The following KIAA1549L variants were observed in gnomAD, a reference collection of about 807,000 sequenced individuals.
The protein encoded by KIAA1549L is KIAA1549 like.
Under a neutral mutation model 160.7 loss-of-function variants are expected in KIAA1549L, and 88 were observed. That is an observed-to-expected ratio of 0.55 (90% CI 0.46 to 0.65). The LOEUF is 0.65. Among genes scored for constraint, KIAA1549L ranks in the 30% least tolerant of loss-of-function variants. The probability of loss-of-function intolerance (pLI) is 0.00; values close to 1 mark genes in which losing one functional copy is unlikely to be tolerated. For missense variants in KIAA1549L, 2,258 were observed against 2,437.5 expected, an observed-to-expected ratio of 0.93 and a Z score of 1.55; for synonymous variants, 950 against 976.7, an observed-to-expected ratio of 0.97 and a Z score of 0.51.
rs779574025 is a variant in KIAA1549L at position 33,543,165 on chromosome 11, C to T, written c.1602C>T (p.Ser534=). The part of the protein sequence containing the change: ...PTLPAEGSDG[S]PPATRDLLLS... ...TTCCAGCAGAGGGCAGTGATGGGTC[C>T]CCTCCTGCAACTAGAGACTTGCTCC... The change falls in exon 2 of 21, where the codon TCC becomes TCT. Residue 534 remains serine (S), a synonymous_variant. Transcript: ENST00000658780. 6.2e-7 allele frequency: 1 copy of T among 1,613,886 alleles called. No individual in the cohort carries two copies. Among genetic ancestry groups the T allele is most frequent in the East Asian group, 2.2e-5 (1 of 44,884 alleles).
At chr11:33,580,676 G>T (rs1275591194) in intron 10 of KIAA1549L, among the ~76,000 whole-genome samples, 1 of 151,676 alleles carries the variant, frequency 6.6e-6, no homozygotes, top group Non-Finnish European at 1.5e-5. Context: ...TTTTTTAACA[G>T]ATATTTATTG....
intron 1 of KIAA1549L, among the ~76,000 whole-genome samples, chr11:33,490,178 G>T (rs1056370977): frequency 5.3e-5 from 8 of 152,144 alleles, no homozygotes; most frequent in Non-Finnish European, 7.4e-5. Context: ...GTCCCATTTT[G>T]CTATTAATAG....
chr11:33,549,437 T>C (rs190795104), intron 4 of KIAA1549L, among the ~76,000 whole-genome samples: 128 of 152,348 alleles, frequency 8.4e-4, no homozygotes, highest in African/African-American at 2.7e-3. Context: ...CTGAGACTTA[T>C]TCCTTGGGGT....
chr11:33,569,527 T>G (rs551395462), intron 9 of KIAA1549L, among the ~76,000 whole-genome samples: 1 of 152,290 alleles, frequency 6.6e-6, no homozygotes, highest in East Asian at 1.9e-4. Context: ...TAAGGGAAAT[T>G]GCAGCCATTA....
At chr11:33,488,860 C>G (rs938930237) in intron 1 of KIAA1549L, among the ~76,000 whole-genome samples, 1 of 152,176 alleles carries the variant, frequency 6.6e-6, no homozygotes, top group African/African-American at 2.4e-5. Context: ...ATAATTTATG[C>G]AGGGTCACCC....
intron 9 of KIAA1549L, 125 bp from the exon 10 acceptor site, chr11:33,574,577 T>C (rs2281379): frequency 0.41 from 321,433 of 777,208 alleles, 70,668 homozygotes; most frequent in African/African-American, 0.73. Flanking sequence ...GGGAGGTATG[T>C]GAAGGTTGGC....
intron 1 of KIAA1549L, among the ~76,000 whole-genome samples, chr11:33,492,904 A>G (rs971631303): frequency 1.3e-5 from 2 of 152,138 alleles, no homozygotes; most frequent in African/African-American, 4.8e-5. Context: ...CGCAGTACTA[A>G]TGTGGAGGGA....
chr11:33,588,742 AC>A (rs1849953889), intron 11 of KIAA1549L, among the ~76,000 whole-genome samples: 1 of 152,136 alleles, frequency 6.6e-6, no homozygotes, highest in Non-Finnish European at 1.5e-5. Flanking sequence ...CCCTCAGCAA[AC>A]CCTATTTCAG....
intron 1 of KIAA1549L, among the ~76,000 whole-genome samples, chr11:33,519,181 C>T (rs1853423981): frequency 6.6e-6 from 1 of 152,132 alleles, no homozygotes; most frequent in African/African-American, 2.4e-5. Flanking sequence ...AGATGTGTAT[C>T]ACTACCCTGC....
At chr11:33,578,050 C>G in intron 10 of KIAA1549L, among the ~76,000 whole-genome samples, 1 of 152,186 alleles carries the variant, frequency 6.6e-6, no homozygotes, top group East Asian at 1.9e-4. Flanking sequence ...AAGGCCACCC[C>G]AGGCCTTGAG....
chr11:33,429,269 G>T (rs1446022055), intron 1 of KIAA1549L, among the ~76,000 whole-genome samples: 1 of 152,194 alleles, frequency 6.6e-6, no homozygotes, highest in African/African-American at 2.4e-5. Flanking sequence ...ACCGTTCCCA[G>T]CCCTCATTGT....
intron 16 of KIAA1549L, among the ~76,000 whole-genome samples, chr11:33,633,140 T>A (rs962720169): frequency 5.0e-5 from 1 of 20,084 alleles, no homozygotes; most frequent in African/African-American, 2.5e-4. Flanking sequence ...CATGCCCAGC[T>A]TTTTTTTTTT....
At chr11:33,438,614 C>T (rs550460862) in intron 1 of KIAA1549L, among the ~76,000 whole-genome samples, 45 of 152,198 alleles carry the variant, frequency 3.0e-4, no homozygotes, top group Non-Finnish European at 3.8e-4. Context: ...TCCATGCCAA[C>T]GAAGAGGCAG....
intron 1 of KIAA1549L, among the ~76,000 whole-genome samples, chr11:33,444,647 G>A (rs186336550): frequency 1.6e-4 from 25 of 152,332 alleles, no homozygotes; most frequent in African/African-American, 5.3e-4. Flanking sequence ...GCTTTTAGCA[G>A]CTATTGAAAT....
At chr11:33,557,930 G>C (rs1854702562) in intron 6 of KIAA1549L, among the ~76,000 whole-genome samples, 1 of 151,790 alleles carries the variant, frequency 6.6e-6, no homozygotes. Context: ...GGGAGAGAGA[G>C]AGAGATCGAT....
intron 1 of KIAA1549L, among the ~76,000 whole-genome samples, chr11:33,394,099 G>A (rs553268531): frequency 5.3e-5 from 8 of 152,262 alleles, no homozygotes; most frequent in Admixed American, 4.6e-4. Context: ...GTGGCTGGGC[G>A]CAATGGCTCA....
chr11:33,443,504 T>C (rs1287704555), intron 1 of KIAA1549L, among the ~76,000 whole-genome samples: 2 of 152,160 alleles, frequency 1.3e-5, no homozygotes, highest in Admixed American at 1.3e-4. Flanking sequence ...TTCTTCCAAC[T>C]CACACTACTA....
rs144212132 is a variant in KIAA1549L, at chr11:33,387,191, T to A, written c.238+10302T>A. ...TATGGACGTGTTTGTGCAGAACAAT[T>A]TCTCTTTTAAGGCCCGTGAGCTTAC... On this transcript the variant is annotated intron_variant, in intron 1 of 20. Transcript: ENST00000658780. Among the ~76,000 whole-genome samples the A allele has an allele frequency of 3.7e-4, 56 of 152,294 alleles. No individual in the cohort carries two copies. In the East Asian group the frequency reaches 0.011, roughly 29 times the overall value.
intron 16 of KIAA1549L, 52 bp from the exon 17 acceptor site, chr11:33,645,634 C>T: frequency 1.5e-6 from 2 of 1,334,722 alleles, no homozygotes; most frequent in Non-Finnish European, 2.1e-6. Context: ...TTACAGAGCA[C>T]CTTCACGGGA....
Sources: gnomAD v4.1 joint callset for allele counts (sites outside exome capture counted in the v4.1 genomes callset) on GRCh38, gnomAD v4.1.1 for gene constraint, MANE v1.5 for transcripts, NCBI Gene and HGNC (gene_info 2026-07-23, HGNC 2026-07-21) for gene names.